LMBR1: variants seen among roughly 807,000 people sequenced by gnomAD.
LMBR1 encodes limb development membrane protein 1, also known as limb region 1 protein homolog.
LMBR1 carries 52 observed loss-of-function variants against 73.9 expected under a neutral mutation model. That is an observed-to-expected ratio of 0.70 (90% CI 0.56 to 0.89). LMBR1 has a LOEUF of 0.89. Ranked by LOEUF, LMBR1 falls within the 40% of genes least tolerant of loss-of-function variation. LMBR1 has a pLI of 0.00. For synonymous variants in LMBR1, 215 were observed against 209.4 expected (o/e 1.03, Z -0.23); for missense variants, 539 against 579.8 (o/e 0.93, Z 0.72).
chr7:156,698,110 G>A (rs1331025872), intron 15 of LMBR1, among the ~76,000 whole-genome samples: 1 of 152,154 alleles, frequency 6.6e-6, no homozygotes, highest in African/African-American at 2.4e-5. Flanking sequence ...AAATCCAGCA[G>A]GGCAGTCAAA....
intron 1 of LMBR1, among the ~76,000 whole-genome samples, chr7:156,882,407 GAA>G (rs1377014246): frequency 1.3e-5 from 2 of 152,108 alleles, no homozygotes; most frequent in African/African-American, 2.4e-5. Context: ...TCCAGCCTGG[GAA>G]AAAGAGTGAG....
chr7:156,851,100 G>A (rs11766294), intron 1 of LMBR1, among the ~76,000 whole-genome samples: 15,573 of 152,068 alleles, frequency 0.1, 901 homozygotes, highest in African/African-American at 0.13. Context: ...GCAGATGCCG[G>A]CAATATGCTT....
chr7:156,781,044 T>TAAG (rs1827045080), intron 5 of LMBR1, among the ~76,000 whole-genome samples: 1 of 152,196 alleles, frequency 6.6e-6, no homozygotes, highest in Admixed American at 6.5e-5. Context: ...CTCAGTCTTG[T>TAAG]AAGAAACCTG....
At chr7:156,840,605 C>G (rs1468170974) in intron 1 of LMBR1, among the ~76,000 whole-genome samples, 2 of 151,906 alleles carry the variant, frequency 1.3e-5, no homozygotes, top group South Asian at 2.1e-4. Context: ...CTGTAGGATT[C>G]TGAGTAGAGG....
At chr7:156,814,622 A>G (rs541143824) in intron 4 of LMBR1, among the ~76,000 whole-genome samples, 13 of 152,252 alleles carry the variant, frequency 8.5e-5, no homozygotes, top group Non-Finnish European at 1.6e-4. Flanking sequence ...GTGATTTTTA[A>G]AACCTCACCA....
At chr7:156,726,950 C>T (rs1018042187) in intron 12 of LMBR1, among the ~76,000 whole-genome samples, 1 of 152,100 alleles carries the variant, frequency 6.6e-6, no homozygotes, top group Non-Finnish European at 1.5e-5. Context: ...GTCTTCCAAT[C>T]ATACTTCCCA....
intron 15 of LMBR1, among the ~76,000 whole-genome samples, chr7:156,708,753 G>T (rs1051887752): frequency 2.6e-5 from 4 of 152,182 alleles, no homozygotes; most frequent in African/African-American, 9.6e-5. Flanking sequence ...TGGGCAGATG[G>T]GGAAGGGCAA....
At chr7:156,873,363 G>C (rs1233861443) in intron 1 of LMBR1, among the ~76,000 whole-genome samples, 1 of 152,184 alleles carries the variant, frequency 6.6e-6, no homozygotes, top group Non-Finnish European at 1.5e-5. Context: ...TTCGCGGTGA[G>C]TGTTACAGCT....
intron 1 of LMBR1, among the ~76,000 whole-genome samples, chr7:156,863,093 G>C (rs775623849): frequency 6.6e-6 from 1 of 151,970 alleles, no homozygotes; most frequent in Admixed American, 6.6e-5. Flanking sequence ...TAGAGGAACA[G>C]AACTAATAGA....
chr7:156,868,371 C>A (rs1355689913), intron 1 of LMBR1, among the ~76,000 whole-genome samples: 1 of 151,870 alleles, frequency 6.6e-6, no homozygotes, highest in African/African-American at 2.4e-5. Flanking sequence ...GGAAAGGAAA[C>A]CTTCTAAAGA....
At chr7:156,861,919 T>C (rs1797776776) in intron 1 of LMBR1, among the ~76,000 whole-genome samples, 1 of 152,178 alleles carries the variant, frequency 6.6e-6, no homozygotes, top group African/African-American at 2.4e-5. Flanking sequence ...ACTCAACAAG[T>C]CTCTAGGGAG....
At chr7:156,761,259 G>A (rs1202649076) in intron 8 of LMBR1, among the ~76,000 whole-genome samples, 2 of 152,156 alleles carry the variant, frequency 1.3e-5, no homozygotes, top group African/African-American at 4.8e-5. Flanking sequence ...GAAAATAAGT[G>A]ACAGATTTCC....
intron 1 of LMBR1, among the ~76,000 whole-genome samples, chr7:156,883,857 C>T (rs1209532731): frequency 6.6e-6 from 1 of 152,160 alleles, no homozygotes; most frequent in Non-Finnish European, 1.5e-5. Flanking sequence ...TAGAGCCCAC[C>T]TGGATAATTC....
intron 1 of LMBR1, among the ~76,000 whole-genome samples, chr7:156,845,237 C>A (rs183279909): frequency 6.6e-6 from 1 of 152,038 alleles, no homozygotes; most frequent in Non-Finnish European, 1.5e-5. Flanking sequence ...AGAGAGAAAG[C>A]AAGTGAACTA....
At chr7:156,789,204 T>C (rs1387850765) in intron 5 of LMBR1, among the ~76,000 whole-genome samples, 1 of 152,212 alleles carries the variant, frequency 6.6e-6, no homozygotes. Flanking sequence ...ATTTTTTCCG[T>C]TTTTGCCTGC....
At chr7:156,799,808 T>G (rs1830635595) in intron 4 of LMBR1, among the ~76,000 whole-genome samples, 1 of 152,170 alleles carries the variant, frequency 6.6e-6, no homozygotes, top group Admixed American at 6.5e-5. Context: ...TAAAGGAAAT[T>G]AAAGTGCTAC....
At chr7:156,851,704 C>G (rs1167836593) in intron 1 of LMBR1, among the ~76,000 whole-genome samples, 1 of 151,966 alleles carries the variant, frequency 6.6e-6, no homozygotes, top group Non-Finnish European at 1.5e-5. Context: ...CACATAGTGA[C>G]TAATGTAAAA....
chr7:156,810,328 T>C (rs955244756), intron 4 of LMBR1, among the ~76,000 whole-genome samples: 1 of 152,180 alleles, frequency 6.6e-6, no homozygotes, highest in Admixed American at 6.5e-5. Context: ...TCATCTATTC[T>C]TGGGGGATCT....
chr7:156,847,612 A>AT (rs1795669038), intron 1 of LMBR1, among the ~76,000 whole-genome samples: 1 of 152,222 alleles, frequency 6.6e-6, no homozygotes, highest in Non-Finnish European at 1.5e-5. Flanking sequence ...AAACAGTCCT[A>AT]TTGAAAAATG....
Sources: allele counts gnomAD v4.1 joint callset (sites outside exome capture counted in the v4.1 genomes callset), GRCh38; gene constraint gnomAD v4.1.1; transcripts MANE v1.5; gene names NCBI Gene and HGNC (gene_info 2026-07-23, HGNC 2026-07-21).